The following LRRC20 variants were observed in gnomAD, a reference collection of about 807,000 sequenced individuals.
The protein encoded by LRRC20 is leucine-rich repeat-containing protein 20.
In LRRC20, 11 loss-of-function variants were observed where a neutral mutation model predicts 14.4. The observed-to-expected ratio is 0.77, with a 90% confidence interval of 0.48 to 1.27. The LOEUF is 1.27. LRRC20 is among the 50% of genes most tolerant of loss of function. LRRC20 has a pLI of 0.00. For missense variants in LRRC20, 219 were observed against 251.2 expected (o/e 0.87, Z 0.87); for synonymous variants, 121 against 107.3 (o/e 1.13, Z -0.79).
chr10:70,316,918 TGCAGGCA>T (rs1355299829), intron 4 of LRRC20, among the ~76,000 whole-genome samples: 2 of 152,218 alleles, frequency 1.3e-5, no homozygotes, highest in Non-Finnish European at 2.9e-5. Flanking sequence ...CTGCTGGGCA[TGCAGGCA>T]AGAAGCTACC....
intron 3 of LRRC20, among the ~76,000 whole-genome samples, chr10:70,326,016 A>G (rs1842305216): frequency 6.6e-6 from 1 of 152,200 alleles, no homozygotes; most frequent in African/African-American, 2.4e-5. Flanking sequence ...CCTTACTTAG[A>G]ACAACATGAA....
chr10:70,360,367 TCCTCCTCCTCCTCCTCCCCATCTC>T (rs1843677529), intron 2 of LRRC20, among the ~76,000 whole-genome samples: 1 of 148,100 alleles, frequency 6.8e-6, no homozygotes, highest in African/African-American at 2.5e-5. Context: ...ATTGCTTTCC[TCCTCCTCCTCCTCCTCCCCATCTC>T]CCTCCTCCTC....
At chr10:70,370,317 G>A (rs1458222951) in intron 2 of LRRC20, among the ~76,000 whole-genome samples, 1 of 152,132 alleles carries the variant, frequency 6.6e-6, no homozygotes. Context: ...ACAGCCCTGC[G>A]ACCCAGGATT....
chr10:70,301,494 T>G lies in LRRC20; in HGVS notation c.415A>C (p.Lys139Gln), dbSNP rs756440662. The G allele has an allele frequency of 1.2e-6, 2 of 1,613,940 alleles. No individual in the cohort carries two copies. Among genetic ancestry groups the G allele is most frequent in the Non-Finnish European group, 8.5e-7 (1 of 1,179,984 alleles). Residue 139 changes from lysine to glutamine, a missense_variant, in exon 5 of 5, where the codon AAG becomes CAG. Physicochemically the swap from Lys to Gln is moderately conservative, Grantham distance 53. Transcript: ENST00000446961. ...ENEIVDVPVE[K>Q]LAAMPALRSI... is the part of the protein sequence containing the mutation. ...CGCAAGGCTGGCATGGCGGCCAGCT[T>G]CTCCACGGGCACATCTATTGGGGAC...
intron 2 of LRRC20, among the ~76,000 whole-genome samples, chr10:70,368,452 C>T (rs1396163141): frequency 2.0e-5 from 3 of 151,762 alleles, no homozygotes; most frequent in Non-Finnish European, 2.9e-5. Context: ...CCACCGCGCC[C>T]GGCCATTTTT....
In LRRC20 at chr10:70,301,487, G is replaced by A; in HGVS notation, c.422C>T (p.Ala141Val). ...EIVDVPVEKLAAMPALRSINL... is the reference protein window; with the variant it reads ...EIVDVPVEKLVAMPALRSINL... ...GATGCTGCGCAAGGCTGGCATGGCG[G>A]CCAGCTTCTCCACGGGCACATCTAT... Residue 141 changes from alanine to valine, a missense_variant, in exon 5 of 5, where the codon GCC becomes GTC. Ala to Val is a moderately conservative substitution (Grantham distance 64, BLOSUM62 0). Transcript: ENST00000446961. 1 of 1,614,002 alleles carries A rather than the reference G, an allele frequency of 6.2e-7. No homozygotes were observed. Among genetic ancestry groups the A allele is most frequent in the Non-Finnish European group, 8.5e-7 (1 of 1,180,014 alleles).
intron 4 of LRRC20, among the ~76,000 whole-genome samples, chr10:70,314,954 T>C (rs1564614353): frequency 1.3e-5 from 2 of 152,206 alleles, no homozygotes; most frequent in Non-Finnish European, 2.9e-5. Flanking sequence ...ATCTCTCCCG[T>C]GCAAAGCACT....
rs1299216531 is a variant in LRRC20, at chr10:70,308,348, C to T, written c.401-6840G>A. ...AGCCAGTGGGTAGCAAGGCTGACAC[C>T]GAGACGGAGAAGACTCTTGACCACA... On this transcript the variant is annotated intron_variant, in intron 4 of 4. Transcript: ENST00000446961. Among the ~76,000 whole-genome samples the T allele has an allele frequency of 1.2e-4, 19 of 152,108 alleles. 1 individual carries two copies.
Position 70,300,223 on chromosome 10 carries a change from G to T in LRRC20, c.*1131C>A. ...TTCAAGCCACAGGCGTTCTCGGGAA[G>T]CAAGAGCCCCAGGCCCTCTCCTGGT... On this transcript the variant is annotated 3_prime_UTR_variant, in exon 5 of 5. Coordinates refer to ENST00000446961, the MANE Select transcript of LRRC20 (RefSeq NM_001278212.2). The T allele has an allele frequency of 2.8e-6, 1 of 358,272 alleles. No individual in the cohort carries two copies. Among genetic ancestry groups the T allele is most frequent in the Non-Finnish European group, 3.9e-6 (1 of 256,500 alleles). 22.2% of individuals were successfully genotyped at this position (358,272 alleles called of 1,614,324 possible). A position where few individuals can be genotyped will look rare whatever the true frequency, so the allele number is the denominator to read the frequency against.
chr10:70,300,490 G>C lies in LRRC20; in HGVS notation c.*864C>G, dbSNP rs577241074. The C allele has an allele frequency of 1.4e-3, 1,426 of 985,442 alleles. No individual in the cohort carries two copies. The highest frequency in any genetic ancestry group is 1.7e-3 in the Non-Finnish European group (1,387 of 830,048). 61.0% of individuals were successfully genotyped at this position (985,442 alleles called of 1,614,324 possible). ...CAGGAGGCCATGACAAGGCAGCCAG[G>C]CTGCTGCTGGACTGGACAGTGGTGA... On this transcript the variant is annotated 3_prime_UTR_variant, in exon 5 of 5. Coordinates refer to ENST00000446961, the MANE Select transcript of LRRC20 (RefSeq NM_001278212.2).
In LRRC20 at chr10:70,300,793, G is replaced by T; in HGVS notation, c.*561C>A. 1 of 985,710 alleles carries T rather than the reference G, an allele frequency of 1.0e-6. No homozygotes were observed. The highest frequency in any genetic ancestry group is 4.7e-5 in the South Asian group (1 of 21,290). The allele number at this position is 985,710 out of a possible 1,614,324, so 61.1% of individuals were successfully genotyped here. ...AGCTCTCCCAGGACTCCTAGTTCAG[G>T]TTCCCACCAGTCCAGGGACCACAGG... On this transcript the variant is annotated 3_prime_UTR_variant, in exon 5 of 5. Coordinates refer to ENST00000446961, the MANE Select transcript of LRRC20 (RefSeq NM_001278212.2).
chr10:70,348,424 A>C (rs910594888), intron 2 of LRRC20, among the ~76,000 whole-genome samples: 5 of 152,264 alleles, frequency 3.3e-5, no homozygotes, highest in Non-Finnish European at 5.9e-5. Context: ...AATATGCTGT[A>C]TGCCACACAC....
chr10:70,381,883 C>T (rs2137200618), intron 1 of LRRC20: 1 of 152,400 alleles, frequency 6.6e-6, no homozygotes, highest in African/African-American at 2.4e-5. Flanking sequence ...TGCTCCCTCG[C>T]TAACATCTAG....
intron 3 of LRRC20, among the ~76,000 whole-genome samples, chr10:70,338,054 G>A (rs1463704646): frequency 6.6e-6 from 1 of 152,188 alleles, no homozygotes; most frequent in Non-Finnish European, 1.5e-5. Context: ...GACAAACACA[G>A]GTGGCCTGGA....
At chr10:70,320,878 C>T (rs536280520) in intron 4 of LRRC20, among the ~76,000 whole-genome samples, 1 of 152,214 alleles carries the variant, frequency 6.6e-6, no homozygotes, top group Non-Finnish European at 1.5e-5. Flanking sequence ...CCCTCCTTCT[C>T]TTCCTGAGAA....
intron 2 of LRRC20, among the ~76,000 whole-genome samples, chr10:70,356,250 GCCCGTAA>G (rs1336281996): frequency 1.3e-5 from 2 of 152,184 alleles, no homozygotes; most frequent in Non-Finnish European, 2.9e-5. Flanking sequence ...GGTGGCTCAC[GCCCGTAA>G]CCCAAGCACT....
intron 2 of LRRC20, among the ~76,000 whole-genome samples, chr10:70,369,615 A>C (rs1844185230): frequency 6.7e-6 from 1 of 150,324 alleles, no homozygotes; most frequent in South Asian, 2.1e-4. Flanking sequence ...CAAAAAAAAA[A>C]AAAAAAAAAA....
chr10:70,340,864 G>A (rs1018118275), intron 2 of LRRC20, among the ~76,000 whole-genome samples, 162 bp from the exon 3 acceptor site: 1 of 152,000 alleles, frequency 6.6e-6, no homozygotes, highest in Non-Finnish European at 1.5e-5. Context: ...CCCTCTTCCA[G>A]GAGCCCTCCT....
At chr10:70,336,153 C>T (rs180706391) in intron 3 of LRRC20, among the ~76,000 whole-genome samples, 19 of 152,172 alleles carry the variant, frequency 1.2e-4, no homozygotes, top group Non-Finnish European at 2.2e-4. Context: ...AGCATGGAGC[C>T]GGGAGAGCTG....
Sources: gnomAD v4.1 joint callset for allele counts (sites outside exome capture counted in the v4.1 genomes callset) on GRCh38, gnomAD v4.1.1 for gene constraint, MANE v1.5 for transcripts, NCBI Gene and HGNC (gene_info 2026-07-23, HGNC 2026-07-21) for gene names.